The following FRY variants were observed in gnomAD, a reference collection of about 807,000 sequenced individuals.
FRY encodes the protein FRY microtubule binding protein, also known as protein furry homolog.
A neutral mutation model predicts 348.4 loss-of-function variants in FRY; 128 were observed. The observed-to-expected ratio is 0.37, with a 90% CI of 0.32 to 0.43. FRY has a LOEUF of 0.43. Ranked by LOEUF, FRY falls within the 20% of genes least tolerant of loss-of-function variation. FRY has a pLI of 1.00. For synonymous variants in FRY, 1,370 were observed against 1,374.7 expected (o/e 1.00, Z 0.08); for missense variants, 2,736 against 3,695.2 (o/e 0.74, Z 6.73).
chr13:32,107,391 A>G (rs1008441521), intron 3 of FRY, among the ~76,000 whole-genome samples: 7 of 152,186 alleles, frequency 4.6e-5, no homozygotes, highest in Non-Finnish European at 8.8e-5. Flanking sequence ...AAAAGATTTT[A>G]TAAATGACAA....
intron 41 of FRY, among the ~76,000 whole-genome samples, chr13:32,232,414 G>A (rs1050788441): frequency 4.6e-5 from 7 of 152,116 alleles, no homozygotes; most frequent in African/African-American, 9.7e-5. Context: ...TGTATTCCTG[G>A]AAACACGTGT....
intron 1 of FRY, among the ~76,000 whole-genome samples, chr13:32,069,340 T>G (rs1279027950): frequency 6.6e-6 from 1 of 152,150 alleles, no homozygotes; most frequent in Non-Finnish European, 1.5e-5. Flanking sequence ...AAGGATATAT[T>G]AGTCTTTCCG....
chr13:32,166,084 C>T (rs1881719247), intron 17 of FRY, among the ~76,000 whole-genome samples: 1 of 142,418 alleles, frequency 7.0e-6, no homozygotes, highest in South Asian at 2.2e-4. Context: ...GCTTAGTGCT[C>T]CTGATCCCAG....
At chr13:32,161,738 A>G (rs1403373247) in intron 17 of FRY, among the ~76,000 whole-genome samples, 1 of 152,230 alleles carries the variant, frequency 6.6e-6, no homozygotes, top group Non-Finnish European at 1.5e-5. Flanking sequence ...ACAGACCCCC[A>G]TGGGGACAAG....
rs140649307 is a variant in FRY, at chr13:32,091,969, A to T, written c.271-9994A>T. On this transcript the variant is annotated intron_variant, in intron 2 of 60. Coordinates refer to ENST00000542859, the MANE Select transcript of FRY (RefSeq NM_023037.3). ...AATAATTAAAAGACTTTAAAATAGCATCTTAAGCAAGGTTAGTGATATATT... is the reference window on the plus strand; with the variant it reads ...AATAATTAAAAGACTTTAAAATAGCTTCTTAAGCAAGGTTAGTGATATATT... 4.9e-3 allele frequency among the ~76,000 whole-genome samples: 748 copies of T among 152,328 alleles called. 6 individuals carry two copies. The highest frequency in any genetic ancestry group is 0.017 in the African/African-American group (706 of 41,556).
chr13:32,153,172 A>G (rs1379931530), intron 14 of FRY, among the ~76,000 whole-genome samples: 2 of 152,220 alleles, frequency 1.3e-5, no homozygotes, highest in Non-Finnish European at 2.9e-5. Context: ...ATACTTAACC[A>G]TATGACTCAG....
intron 1 of FRY, among the ~76,000 whole-genome samples, chr13:32,053,574 C>T (rs1361890679): frequency 6.6e-6 from 1 of 152,234 alleles, no homozygotes; most frequent in East Asian, 1.9e-4. Context: ...ATGGCAACAT[C>T]AGCCTATGAA....
At chr13:32,050,520 C>T (rs1873267594) in intron 1 of FRY, among the ~76,000 whole-genome samples, 1 of 152,136 alleles carries the variant, frequency 6.6e-6, no homozygotes, top group Non-Finnish European at 1.5e-5. Context: ...TTTCCTGGGC[C>T]ATGTATAGTT....
intron 58 of FRY, among the ~76,000 whole-genome samples, chr13:32,280,231 G>A (rs986863469): frequency 6.6e-6 from 1 of 152,112 alleles, no homozygotes; most frequent in African/African-American, 2.4e-5. Context: ...ATAATAACTA[G>A]TTTGCATATA....
rs141020338 is a variant in FRY at position 32,249,481 on chromosome 13, C to G, written c.7009-45C>G. ...CTGGGGAGAAGGGTTTCATATATCA[C>G]AAAACCATTGAGACAGAATAATGTG... On this transcript the variant is annotated intron_variant, in intron 48 of 60. Transcript: ENST00000542859. 1,318 of 1,605,780 alleles carry G rather than the reference C, an allele frequency of 8.2e-4. 10 individuals carry two copies. The African/African-American group carries it at 0.016, about 20-fold the overall frequency.
intron 58 of FRY, among the ~76,000 whole-genome samples, chr13:32,282,060 G>A (rs10492393): frequency 0.031 from 4,773 of 152,250 alleles, 243 homozygotes; most frequent in East Asian, 0.27. Flanking sequence ...ACAAAAGGTA[G>A]GCCTTGAGGA....
At chr13:32,225,084 A>G (rs1006157897) in intron 38 of FRY, 48 bp downstream of exon 38, 1 of 1,022,182 alleles carries the variant, frequency 9.8e-7, no homozygotes, top group South Asian at 1.3e-5. Context: ...TTAAAAATAT[A>G]CAGAAGTAAT....
chr13:32,118,681 T>G (rs938634926), intron 4 of FRY, among the ~76,000 whole-genome samples: 3 of 152,212 alleles, frequency 2.0e-5, no homozygotes, highest in Non-Finnish European at 4.4e-5. Flanking sequence ...TTTACAGGGT[T>G]GTACAACCAT....
At chr13:32,117,740 GCTT>G (rs887366554) in intron 4 of FRY, among the ~76,000 whole-genome samples, 8 of 152,142 alleles carry the variant, frequency 5.3e-5, no homozygotes, top group African/African-American at 1.9e-4. Context: ...TTTCTTGCCA[GCTT>G]CTTTCCTCTG....
chr13:32,249,789 C>A, intron 49 of FRY, 102 bp downstream of exon 49: 1 of 1,031,434 alleles, frequency 9.7e-7, no homozygotes, highest in Non-Finnish European at 1.5e-6. Flanking sequence ...CCAAGGTTGC[C>A]CATATAGGTC....
At chr13:32,134,867 C>G (rs1464485123) in intron 8 of FRY, 37 bp from the exon 9 acceptor site, 1 of 1,257,034 alleles carries the variant, frequency 8.0e-7, no homozygotes, top group East Asian at 2.3e-5. Context: ...ACATTTCAAC[C>G]TACTCTCCCT....
intron 55 of FRY, among the ~76,000 whole-genome samples, chr13:32,268,505 A>AATATATATATATAT (rs869298149): frequency 3.2e-3 from 89 of 28,116 alleles, no homozygotes; most frequent in Non-Finnish European, 4.7e-3. Context: ...AAAAAAAAAA[A>AATATATATATATAT]ATATATATAT....
intron 1 of FRY, among the ~76,000 whole-genome samples, chr13:32,059,922 G>T (rs1873845965): frequency 6.6e-6 from 1 of 152,162 alleles, no homozygotes; most frequent in Non-Finnish European, 1.5e-5. Context: ...TAAAATGCAG[G>T]AGTAGCATGG....
intron 12 of FRY, 59 bp downstream of exon 12, chr13:32,147,444 C>CT (rs747100573): frequency 8.9e-6 from 8 of 894,876 alleles, no homozygotes; most frequent in Non-Finnish European, 1.1e-5. Context: ...GAGGGTGTTT[C>CT]TTTTATTACT....
Sources: gnomAD v4.1 joint callset for allele counts (sites outside exome capture counted in the v4.1 genomes callset) on GRCh38, gnomAD v4.1.1 for gene constraint, MANE v1.5 for transcripts, NCBI Gene and HGNC (gene_info 2026-07-23, HGNC 2026-07-21) for gene names.